Variants in SUPT3H observed in about 807,000 individuals in gnomAD.
The protein encoded by SUPT3H is transcription initiation protein SPT3 homolog.
Under a neutral mutation model 44.3 loss-of-function variants are expected in SUPT3H, and 44 were observed. The observed-to-expected ratio is 0.99, with a 90% CI of 0.78 to 1.28. SUPT3H has a LOEUF of 1.28. SUPT3H is among the 50% of genes most tolerant of loss of function. The pLI is 0.00. For synonymous variants in SUPT3H, 124 were observed against 125.6 expected, an observed-to-expected ratio of 0.99 and a Z score of 0.09; for missense variants, 380 against 387.1, an observed-to-expected ratio of 0.98 and a Z score of 0.15.
chr6:45,316,513 T>C (rs1047517148), intron 2 of SUPT3H, among the ~76,000 whole-genome samples: 2 of 151,950 alleles, frequency 1.3e-5, no homozygotes, highest in African/African-American at 4.8e-5. Context: ...GCAGACAACA[T>C]AATCTTTCAT....
chr6:45,364,006 T>C (rs1341762853), intron 2 of SUPT3H, among the ~76,000 whole-genome samples: 1 of 151,900 alleles, frequency 6.6e-6, no homozygotes, highest in Non-Finnish European at 1.5e-5. Context: ...TCTCAGCTAC[T>C]TGGGAGGCTG....
intron 3 of SUPT3H, among the ~76,000 whole-genome samples, chr6:45,036,873 A>T (rs1214438151): frequency 6.6e-6 from 1 of 152,176 alleles, no homozygotes; most frequent in African/African-American, 2.4e-5. Flanking sequence ...GGTCCCAAAC[A>T]GAATAGAGGA....
chr6:45,219,168 G>T (rs1765578627), intron 2 of SUPT3H, among the ~76,000 whole-genome samples: 4 of 151,890 alleles, frequency 2.6e-5, no homozygotes, highest in African/African-American at 9.7e-5. Flanking sequence ...TTAAATAAAT[G>T]ATCTAAGTTC....
chr6:44,879,005 G>A (rs1777756421), intron 10 of SUPT3H, among the ~76,000 whole-genome samples: 1 of 152,040 alleles, frequency 6.6e-6, no homozygotes, highest in Non-Finnish European at 1.5e-5. Context: ...CAGCTGTTTG[G>A]GCAGACACCG....
intron 5 of SUPT3H, among the ~76,000 whole-genome samples, chr6:45,007,594 T>C (rs891179055): frequency 6.6e-6 from 1 of 152,146 alleles, no homozygotes; most frequent in African/African-American, 2.4e-5. Flanking sequence ...TTGTGCTACA[T>C]TTGAGTCCCA....
chr6:44,820,765 A>C (rs1767247203), intron 11 of SUPT3H, among the ~76,000 whole-genome samples: 2 of 152,234 alleles, frequency 1.3e-5, no homozygotes, highest in South Asian at 2.1e-4. Flanking sequence ...AGTGAAAAAG[A>C]AAGCAAGGAA....
chr6:44,885,062 A>C (rs1778927915), intron 10 of SUPT3H, among the ~76,000 whole-genome samples: 1 of 152,120 alleles, frequency 6.6e-6, no homozygotes, highest in Non-Finnish European at 1.5e-5. Context: ...GAGGCTGGGG[A>C]AGGGGCACCC....
At chr6:44,958,795 G>A (rs1775585346) in intron 7 of SUPT3H, among the ~76,000 whole-genome samples, 1 of 151,610 alleles carries the variant, frequency 6.6e-6, no homozygotes, top group Admixed American at 6.6e-5. Flanking sequence ...AAAAAAAATG[G>A]GTGTTTTTAA....
intron 3 of SUPT3H, among the ~76,000 whole-genome samples, chr6:45,084,191 C>T (rs1796189829): frequency 6.6e-6 from 1 of 152,116 alleles, no homozygotes; most frequent in Non-Finnish European, 1.5e-5. Flanking sequence ...AAACTATTGA[C>T]AGAGTACGTT....
chr6:45,285,983 C>T (rs1475665313), intron 2 of SUPT3H, among the ~76,000 whole-genome samples: 2 of 133,714 alleles, frequency 1.5e-5, no homozygotes, highest in African/African-American at 6.0e-5. Flanking sequence ...GTGACAAAAA[C>T]AAGAAATGGG....
intron 3 of SUPT3H, among the ~76,000 whole-genome samples, chr6:45,043,142 T>TAC (rs59321114): frequency 0.23 from 33,569 of 146,724 alleles, 4,154 homozygotes; most frequent in Non-Finnish European, 0.3. Context: ...CATACACACA[T>TAC]ACACACACAC....
chr6:45,353,472 A>G (rs1477809095), intron 2 of SUPT3H, among the ~76,000 whole-genome samples: 2 of 152,098 alleles, frequency 1.3e-5, no homozygotes, highest in African/African-American at 4.8e-5. Flanking sequence ...ACAAAGCAGA[A>G]AAGTTTAAAA....
At chr6:45,257,990 C>T (rs1248218716) in intron 2 of SUPT3H, among the ~76,000 whole-genome samples, 1 of 152,180 alleles carries the variant, frequency 6.6e-6, no homozygotes, top group Non-Finnish European at 1.5e-5. Context: ...ATTTACGAAA[C>T]ATAATAATTC....
intron 2 of SUPT3H, among the ~76,000 whole-genome samples, chr6:45,344,241 T>A (rs1790403500): frequency 6.6e-6 from 1 of 152,190 alleles, no homozygotes; most frequent in African/African-American, 2.4e-5. Flanking sequence ...AGGGGTTTCT[T>A]AGACTACTTG....
chr6:45,318,767 A>G (rs1015256397), intron 2 of SUPT3H, among the ~76,000 whole-genome samples: 1 of 152,134 alleles, frequency 6.6e-6, no homozygotes, highest in Non-Finnish European at 1.5e-5. Context: ...ACATGAATTT[A>G]TAACTAAAAA....
chr6:45,029,243 C>T (rs889475389), intron 3 of SUPT3H, among the ~76,000 whole-genome samples: 2 of 151,370 alleles, frequency 1.3e-5, no homozygotes, highest in Non-Finnish European at 2.9e-5. Context: ...ACAGTTAAGT[C>T]AGGTTTTAAA....
At chr6:44,870,663 AACAGCTCCAGTCT>A (rs1321299557) in intron 10 of SUPT3H, among the ~76,000 whole-genome samples, 1 of 151,410 alleles carries the variant, frequency 6.6e-6, no homozygotes, top group Non-Finnish European at 1.5e-5. Flanking sequence ...GCCGAATAGG[AACAGCTCCAGTCT>A]ACAGCTCCCA....
chr6:45,133,513 A>T (rs1033572500), intron 2 of SUPT3H, among the ~76,000 whole-genome samples: 2 of 152,174 alleles, frequency 1.3e-5, no homozygotes, highest in African/African-American at 4.8e-5. Context: ...GAGGACAACA[A>T]ATCTTCTGCC....
At chr6:45,023,271 A>C (rs563193099) in intron 3 of SUPT3H, among the ~76,000 whole-genome samples, 30 of 152,162 alleles carry the variant, frequency 2.0e-4, no homozygotes, top group East Asian at 7.7e-4. Flanking sequence ...TCAAAAAAAA[A>C]AAACAAACCA....
Sources: gnomAD v4.1 joint callset for allele counts (sites outside exome capture counted in the v4.1 genomes callset) on GRCh38, gnomAD v4.1.1 for gene constraint, MANE v1.5 for transcripts, NCBI Gene and HGNC (gene_info 2026-07-23, HGNC 2026-07-21) for gene names.